The following OR51M1 variants were observed in gnomAD, a reference collection of about 807,000 sequenced individuals.
OR51M1 encodes the protein olfactory receptor family 51 subfamily M member 1.
For missense variants in OR51M1, 509 were observed against 404.4 expected (o/e 1.26, Z -2.22); for synonymous variants, 199 against 155.1 (o/e 1.28, Z -2.10).
At chr11:5,387,386 A>G (rs1376373251) in intron 2 of OR51M1, among the ~76,000 whole-genome samples, 1 of 152,218 alleles carries the variant, frequency 6.6e-6, no homozygotes, top group East Asian at 1.9e-4. Flanking sequence ...TGGGTTTTAA[A>G]AAAAACATTA....
intron 2 of OR51M1, among the ~76,000 whole-genome samples, chr11:5,389,152 A>G (rs1188903158): frequency 6.6e-6 from 1 of 152,220 alleles, no homozygotes; most frequent in Non-Finnish European, 1.5e-5. Flanking sequence ...GGGTTGAGCA[A>G]TAAAGGCACA....
intron 2 of OR51M1, among the ~76,000 whole-genome samples, chr11:5,387,221 A>C (rs190427210): frequency 6.6e-6 from 1 of 152,298 alleles, no homozygotes; most frequent in Non-Finnish European, 1.5e-5. Flanking sequence ...TCTTGGCATT[A>C]AGAATTTCTA....
chr11:5,392,160 T>G lies in OR51M1; in HGVS notation c.*1781T>G, dbSNP rs979789634. On this transcript the variant is annotated 3_prime_UTR_variant, in exon 3 of 3. Coordinates refer to ENST00000642046, the MANE Select transcript of OR51M1 (RefSeq NM_001004756.3). ...ATGTTTGTGCGGTTTCTTGTGTATG[T>G]TTGTGTGGTATCTCATGTTTGTATG... 2.6e-5 allele frequency: 4 copies of G among 152,240 alleles called. No individual in the cohort carries two copies. The highest frequency in any genetic ancestry group is 5.9e-5 in the Non-Finnish European group (4 of 68,032). The allele number at this position is 152,240 out of a possible 1,614,324, so 9.4% of individuals were successfully genotyped here.
At chr11:5,387,522 G>C (rs1028861802) in intron 2 of OR51M1, among the ~76,000 whole-genome samples, 15 of 151,808 alleles carry the variant, frequency 9.9e-5, no homozygotes, top group Non-Finnish European at 2.1e-4. Flanking sequence ...CTCTCAACTC[G>C]AAGCTCACAA....
At position 5,389,317 on chromosome 11, in the gene OR51M1, G is replaced by T. The variant is rs1198409101; in HGVS notation, c.-15-67G>T. On this transcript the variant is annotated intron_variant, in intron 2 of 2. Transcript: ENST00000642046. Reference sequence around the variant, plus strand: ...TAAAGGTGATGATGACCATGGTACTGCTTGTGATGTTGTGAATGTTAGTGA... The same window carrying T: ...TAAAGGTGATGATGACCATGGTACTTCTTGTGATGTTGTGAATGTTAGTGA... 4.5e-6 allele frequency: 6 copies of T among 1,335,998 alleles called. No homozygotes were observed. The Admixed American group carries it at 5.3e-5, about 12-fold the overall frequency. The allele number at this position is 1,335,998 out of a possible 1,614,324, so 82.8% of individuals were successfully genotyped here.
chr11:5,391,141 CTCACACAAACA>C lies in OR51M1; in HGVS notation c.*764_*774del, dbSNP rs1849788975. The C allele has an allele frequency of 6.6e-6, 1 of 152,224 alleles. No homozygotes were observed. Among genetic ancestry groups the C allele is most frequent in the African/African-American group, 2.4e-5 (1 of 41,446 alleles). The allele number at this position is 152,224 out of a possible 1,614,324, so 9.4% of individuals were successfully genotyped here. A position where few individuals can be genotyped will look rare whatever the true frequency, so the allele number is the denominator to read the frequency against. ...CGTGAGAAAGCTTCAGCCAAGGAAA[CTCACACAAACA>C]TATTGAAGTCACAATCCCATTGCTC... On this transcript the variant is annotated 3_prime_UTR_variant, in exon 3 of 3. Coordinates refer to ENST00000642046, the MANE Select transcript of OR51M1 (RefSeq NM_001004756.3).
rs1770988756 is a variant in OR51M1, at chr11:5,389,971, C to T, written c.573C>T (p.Cys191=). The change falls in exon 3 of 3, where the codon TGC becomes TGT. Residue 191 remains cysteine (C), a synonymous_variant. Coordinates refer to ENST00000642046, the MANE Select transcript of OR51M1 (RefSeq NM_001004756.3). ...CTGTGGTCCTCTCCCACTCATTTTG[C>T]CTGCACCAGGAAGTGATACAGCTGG... The part of the protein sequence containing the change: ...CGSVVLSHSF[C]LHQEVIQLAC... The T allele has an allele frequency of 6.2e-7, 1 of 1,612,094 alleles. No individual in the cohort carries two copies. The highest frequency in any genetic ancestry group is 1.1e-5 in the South Asian group (1 of 91,080).
In OR51M1 at chr11:5,391,116, C is replaced by T. The variant is rs1009056949; in HGVS notation, c.*737C>T. The T allele has an allele frequency of 8.5e-5, 13 of 152,190 alleles. No homozygotes were observed. The highest frequency in any genetic ancestry group is 5.8e-4 in the East Asian group (3 of 5,202). 9.4% of individuals were successfully genotyped at this position (152,190 alleles called of 1,614,324 possible). ...TGTGATATTGAACAATGACATGTAACGTGAGAAAGCTTCAGCCAAGGAAAC... is the reference window on the plus strand; with the variant it reads ...TGTGATATTGAACAATGACATGTAATGTGAGAAAGCTTCAGCCAAGGAAAC... On this transcript the variant is annotated 3_prime_UTR_variant, in exon 3 of 3. Coordinates refer to ENST00000642046, the MANE Select transcript of OR51M1 (RefSeq NM_001004756.3).
Position 5,390,720 on chromosome 11 carries a change from C to T in OR51M1, c.*341C>T, listed in dbSNP as rs1164656466. ...AATACCAGAGCACCCAGAGGAGAGC[C>T]TGGCAGAGACCAGGTAAATGCCATT... On this transcript the variant is annotated 3_prime_UTR_variant, in exon 3 of 3. Coordinates refer to ENST00000642046, the MANE Select transcript of OR51M1 (RefSeq NM_001004756.3). 1 of 199,314 alleles carries T rather than the reference C, an allele frequency of 5.0e-6. No homozygotes were observed. Among genetic ancestry groups the T allele is most frequent in the African/African-American group, 2.3e-5 (1 of 42,918 alleles). 12.3% of individuals were successfully genotyped at this position (199,314 alleles called of 1,614,324 possible). A position where few individuals can be genotyped will look rare whatever the true frequency, so the allele number is the denominator to read the frequency against.
Position 5,390,299 on chromosome 11 carries a change from C to T in OR51M1, c.901C>T (p.Pro301Ser). ...VYLFVPPMLN[P>S]IIYSIKTKEI... ...CCTTTTTGTGCCTCCCATGCTTAACCCAATCATATACAGCATTAAGACCAA... is the reference window on the plus strand; with the variant it reads ...CCTTTTTGTGCCTCCCATGCTTAACTCAATCATATACAGCATTAAGACCAA... Residue 301 changes from proline (P) to serine (S), a missense_variant, in exon 3 of 3, where the codon CCA becomes TCA. Transcript: ENST00000642046. 6.2e-7 allele frequency: 1 copy of T among 1,613,544 alleles called. No individual in the cohort carries two copies. Among genetic ancestry groups the T allele is most frequent in the Non-Finnish European group, 8.5e-7 (1 of 1,179,788 alleles).
At chr11:5,384,730 T>C (rs534872548) in intron 1 of OR51M1, among the ~76,000 whole-genome samples, 3 of 152,354 alleles carry the variant, frequency 2.0e-5, no homozygotes, top group Admixed American at 6.5e-5. Context: ...TATATGCTGG[T>C]CCAGTTAACA....
rs865992666 is a variant in OR51M1, at chr11:5,390,287, C to G, written c.889C>G (p.Pro297Ala). ...LMANVYLFVP[P>A]MLNPIIYSIK... ...GGCCAATGTCTACCTTTTTGTGCCT[C>G]CCATGCTTAACCCAATCATATACAG... Residue 297 changes from proline to alanine, a missense_variant, in exon 3 of 3, where the codon CCC (proline) becomes GCC (alanine). Transcript: ENST00000642046. 3 of 1,613,936 alleles carry G rather than the reference C, an allele frequency of 1.9e-6. No homozygotes were observed. In the East Asian group the frequency reaches 6.7e-5, roughly 36 times the overall value.
intron 1 of OR51M1, 119 bp downstream of exon 1, chr11:5,384,036 GC>G (rs1434387796): frequency 6.6e-6 from 1 of 152,166 alleles, no homozygotes; most frequent in Non-Finnish European, 1.5e-5. Context: ...AAAGCAGTGA[GC>G]CCAAAAAGAC....
intron 2 of OR51M1, among the ~76,000 whole-genome samples, chr11:5,388,571 A>AT (rs1170527530): frequency 2.7e-5 from 4 of 148,418 alleles, no homozygotes; most frequent in Non-Finnish European, 5.9e-5. Context: ...AACTGGAAGA[A>AT]TTGTTTAGTG....
intron 2 of OR51M1, among the ~76,000 whole-genome samples, chr11:5,386,248 T>A (rs1019558464): frequency 1.3e-5 from 2 of 151,978 alleles, no homozygotes; most frequent in South Asian, 4.2e-4. Context: ...ATGGGTGTGT[T>A]GACTGGGAAA....
intron 2 of OR51M1, among the ~76,000 whole-genome samples, chr11:5,388,735 A>G (rs1205121868): frequency 1.3e-5 from 2 of 152,010 alleles, no homozygotes; most frequent in Non-Finnish European, 2.9e-5. Context: ...GCTATATAGT[A>G]GTCAACTGAA....
intron 1 of OR51M1, 139 bp from the exon 2 acceptor site, chr11:5,385,214 G>C (rs1360195704): frequency 1.3e-5 from 2 of 152,062 alleles, no homozygotes; most frequent in Non-Finnish European, 2.9e-5. Flanking sequence ...TTGCTTAGTA[G>C]ACATGAAAAA....
Position 5,389,769 on chromosome 11 carries a change from C to T in OR51M1, c.371C>T (p.Ser124Phe). ...ATCCACTCTTTTTCCTTCATGGAGT[C>T]CTCAGTGCTCCTCATGATGTCCTTT... ...FCIHSFSFME[S>F]SVLLMMSFDR... is the part of the protein sequence containing the mutation. Residue 124 changes from serine (S) to phenylalanine (F), a missense_variant, in exon 3 of 3, where the codon TCC (serine) becomes TTC (phenylalanine). Ser to Phe is a radical substitution (Grantham distance 155, BLOSUM62 -2). Coordinates refer to ENST00000642046, the MANE Select transcript of OR51M1 (RefSeq NM_001004756.3). 1 of 1,614,024 alleles carries T rather than the reference C, an allele frequency of 6.2e-7. No homozygotes were observed. The highest frequency in any genetic ancestry group is 8.5e-7 in the Non-Finnish European group (1 of 1,179,898).
chr11:5,392,167 G>A lies in OR51M1; in HGVS notation c.*1788G>A, dbSNP rs1210058211. ...TGCGGTTTCTTGTGTATGTTTGTGT[G>A]GTATCTCATGTTTGTATGTGTGGGT... is the stretch of plus-strand genomic sequence containing the variant. On this transcript the variant is annotated 3_prime_UTR_variant, in exon 3 of 3. Coordinates refer to ENST00000642046, the MANE Select transcript of OR51M1 (RefSeq NM_001004756.3). 1 of 152,226 alleles carries A rather than the reference G, an allele frequency of 6.6e-6. No homozygotes were observed. The highest frequency in any genetic ancestry group is 1.9e-4 in the East Asian group (1 of 5,204). The allele number at this position is 152,226 out of a possible 1,614,324, so 9.4% of individuals were successfully genotyped here. A position where few individuals can be genotyped will look rare whatever the true frequency, so the allele number is the denominator to read the frequency against.
Sources: gnomAD v4.1 joint callset for allele counts (sites outside exome capture counted in the v4.1 genomes callset) on GRCh38, gnomAD v4.1.1 for gene constraint, MANE v1.5 for transcripts, NCBI Gene and HGNC (gene_info 2026-07-23, HGNC 2026-07-21) for gene names.